The following CUBN variants were observed in gnomAD, a reference collection of about 807,000 sequenced individuals.
The protein encoded by CUBN is 460 kDa receptor.
CUBN carries 282 observed loss-of-function variants against 405.3 expected under a neutral mutation model. The ratio of observed to expected loss-of-function variants is 0.70; its 90% CI spans 0.63 to 0.77. The LOEUF (loss-of-function observed/expected upper bound fraction) is 0.77, where lower values mean the gene tolerates loss of function less well. CUBN is among the 30% of genes least tolerant of loss of function. CUBN has a pLI of 0.00. For synonymous variants in CUBN, 1,684 were observed against 1,617.0 expected (o/e 1.04, Z -0.99); for missense variants, 4,514 against 4,475.2 (o/e 1.01, Z -0.25).
chr10:16,918,504 AT>A (rs1407485807), intron 45 of CUBN, 117 bp downstream of exon 45: 1 of 753,288 alleles, frequency 1.3e-6, no homozygotes, highest in African/African-American at 1.7e-5. Context: ...GGTACTAGGC[AT>A]AGTACCTGGC....
chr10:16,864,131 T>C (rs1321933367), intron 59 of CUBN, among the ~76,000 whole-genome samples: 1 of 152,242 alleles, frequency 6.6e-6, no homozygotes, highest in Non-Finnish European at 1.5e-5. Context: ...AGGCACAATT[T>C]ATCCATTTAT....
chr10:16,894,172 G>T (rs1588626836), intron 54 of CUBN, among the ~76,000 whole-genome samples: 4 of 152,226 alleles, frequency 2.6e-5, no homozygotes, highest in African/African-American at 9.6e-5. Flanking sequence ...CTACAGACTG[G>T]ATGAAAATAT....
intron 41 of CUBN, among the ~76,000 whole-genome samples, chr10:16,927,851 C>G (rs1173405311): frequency 6.6e-6 from 1 of 152,186 alleles, no homozygotes; most frequent in African/African-American, 2.4e-5. Context: ...CAGCCCTCAG[C>G]TAGGCTGAAA....
intron 43 of CUBN, among the ~76,000 whole-genome samples, chr10:16,921,969 C>T (rs897676748): frequency 6.6e-6 from 1 of 152,152 alleles, no homozygotes; most frequent in African/African-American, 2.4e-5. Flanking sequence ...GAGCTCCATA[C>T]CTGAGTCTGC....
intron 39 of CUBN, among the ~76,000 whole-genome samples, chr10:16,935,723 C>G (rs1283934119): frequency 6.6e-6 from 1 of 151,024 alleles, no homozygotes; most frequent in Non-Finnish European, 1.5e-5. Context: ...ACTAAAAATA[C>G]AAAAAAATCA....
At chr10:16,901,606 C>A (rs907865090) in intron 51 of CUBN, 147 bp from the exon 52 acceptor site, 14 of 1,114,102 alleles carry the variant, frequency 1.3e-5, no homozygotes, top group Non-Finnish European at 1.7e-5. Flanking sequence ...GTAATACCAG[C>A]ACTTTGGGAG....
At chr10:16,871,082 C>T (rs1345397652) in intron 58 of CUBN, among the ~76,000 whole-genome samples, 1 of 151,614 alleles carries the variant, frequency 6.6e-6, no homozygotes, top group African/African-American at 2.4e-5. Flanking sequence ...GGCTGGAGTG[C>T]AGTGGCACAA....
In CUBN at chr10:16,920,150, A is replaced by T; in HGVS notation, c.6647-13T>A. 6.2e-7 allele frequency: 1 copy of T among 1,613,672 alleles called. No individual in the cohort carries two copies. The highest frequency in any genetic ancestry group is 8.5e-7 in the Non-Finnish European group (1 of 1,179,824). On this transcript the variant is annotated splice_polypyrimidine_tract_variant and intron_variant, in intron 43 of 66. Coordinates refer to ENST00000377833, the MANE Select transcript of CUBN (RefSeq NM_001081.4). ...TTGCCCCCACAGGCTGTGAGCAAACACACTTAAATCAGTCTATGATCTGGT... is the reference window on the plus strand; with the variant it reads ...TTGCCCCCACAGGCTGTGAGCAAACTCACTTAAATCAGTCTATGATCTGGT...
chr10:16,958,939 C>T (rs1232278333), intron 31 of CUBN, among the ~76,000 whole-genome samples: 5 of 152,126 alleles, frequency 3.3e-5, no homozygotes, highest in African/African-American at 4.8e-5. Flanking sequence ...AAGTTACAGC[C>T]GGGTCTCTCT....
At position 16,906,362 on chromosome 10, in the gene CUBN, G is replaced by A. The variant is rs745629328; in HGVS notation, c.7753C>T (p.Pro2585Ser). 4 of 1,613,938 alleles carry A rather than the reference G, an allele frequency of 2.5e-6. No individual in the cohort carries two copies. The African/African-American group carries it at 4.0e-5, about 16-fold the overall frequency. ...TAATTCCTGACTCCGTCATAGCCAG[G>A]AGAAGTAAAGTTTCCTTCAGGAGTA... ...PNTPEGNFTS[P>S]GYDGVRNYSR... Residue 2585 changes from proline (P) to serine (S), a missense_variant, in exon 50 of 67, where the codon CCT becomes TCT. Coordinates refer to ENST00000377833, the MANE Select transcript of CUBN (RefSeq NM_001081.4).
intron 31 of CUBN, among the ~76,000 whole-genome samples, chr10:16,971,471 C>A (rs1372819940): frequency 6.6e-6 from 1 of 152,200 alleles, no homozygotes; most frequent in East Asian, 1.9e-4. Context: ...AAATATATAG[C>A]AGATCTCTAC....
Position 17,123,580 on chromosome 10 carries a change from T to C in CUBN, c.489+8A>G. 1 of 1,600,318 alleles carries C rather than the reference T, an allele frequency of 6.2e-7. No homozygotes were observed. The highest frequency in any genetic ancestry group is 8.6e-7 in the Non-Finnish European group (1 of 1,167,776). On this transcript the variant is annotated splice_region_variant and intron_variant, in intron 5 of 66. Transcript: ENST00000377833. ...CCATCATTCTTAACCAAAGAGTAGA[T>C]GACTCACCTTCCACTGTGGGGGACA...
intron 54 of CUBN, among the ~76,000 whole-genome samples, chr10:16,892,028 C>T (rs189710576): frequency 1.1e-4 from 17 of 152,304 alleles, no homozygotes; most frequent in South Asian, 6.2e-4. Flanking sequence ...CCAAACACAT[C>T]TCTTCTCAAG....
At chr10:16,895,627 C>G (rs1050408572) in intron 54 of CUBN, among the ~76,000 whole-genome samples, 12 of 152,054 alleles carry the variant, frequency 7.9e-5, no homozygotes, top group Admixed American at 7.9e-4. Context: ...TGGATTGATC[C>G]TTTTATCATT....
intron 63 of CUBN, among the ~76,000 whole-genome samples, chr10:16,835,403 G>T (rs562169898): frequency 2.6e-5 from 4 of 152,202 alleles, no homozygotes; most frequent in Middle Eastern, 3.2e-3. Context: ...GCAACAGCTC[G>T]TTCACACAAA....
rs114778732 is a variant in CUBN, at chr10:16,824,302, C to G, written c.*673G>C. ...TCCTAGGTTCAAGCAATCCTCCCAT[C>G]ATGGCCTCCCAGCGTGCTGGGATTA... On this transcript the variant is annotated 3_prime_UTR_variant, in exon 67 of 67. Coordinates refer to ENST00000377833, the MANE Select transcript of CUBN (RefSeq NM_001081.4). The G allele has an allele frequency of 2.7e-4, 41 of 152,444 alleles. No homozygotes were observed. The highest frequency in any genetic ancestry group is 1.5e-3 in the Admixed American group (23 of 15,308). The allele number at this position is 152,444 out of a possible 1,614,324, so 9.4% of individuals were successfully genotyped here. A position where few individuals can be genotyped will look rare whatever the true frequency, so the allele number is the denominator to read the frequency against.
At chr10:16,964,395 G>T (rs933623996) in intron 31 of CUBN, among the ~76,000 whole-genome samples, 2 of 152,052 alleles carry the variant, frequency 1.3e-5, no homozygotes, top group African/African-American at 4.8e-5. Flanking sequence ...CAAATAATAT[G>T]AAGTGAAAAA....
At chr10:16,862,156 T>C (rs1469272498) in intron 59 of CUBN, among the ~76,000 whole-genome samples, 1 of 92,722 alleles carries the variant, frequency 1.1e-5, no homozygotes, top group Admixed American at 1.3e-4. Flanking sequence ...TCTCTCTCTC[T>C]CTCTCACACA....
At chr10:16,954,877 G>A (rs1843009249) in intron 31 of CUBN, among the ~76,000 whole-genome samples, 1 of 152,146 alleles carries the variant, frequency 6.6e-6, no homozygotes, top group African/African-American at 2.4e-5. Context: ...TGCTGGAAAT[G>A]TGTAATGCAA....
Sources: gnomAD v4.1 joint callset for allele counts (sites outside exome capture counted in the v4.1 genomes callset) on GRCh38, gnomAD v4.1.1 for gene constraint, MANE v1.5 for transcripts, NCBI Gene and HGNC (gene_info 2026-07-23, HGNC 2026-07-21) for gene names.